SBF2: variants seen among roughly 807,000 people sequenced by gnomAD.
SBF2 encodes SET binding factor 2, also known as myotubularin-related protein 13.
Under a neutral mutation model 225.2 loss-of-function variants are expected in SBF2, and 112 were observed. The ratio of observed to expected loss-of-function variants is 0.50; its 90% CI spans 0.43 to 0.58. SBF2 has a LOEUF of 0.58. Among genes scored for constraint, SBF2 ranks in the 20% least tolerant of loss-of-function variants. SBF2 has a pLI of 0.00. For missense variants in SBF2, 1,996 were observed against 2,206.2 expected (o/e 0.90, Z 1.91); for synonymous variants, 763 against 773.3 (o/e 0.99, Z 0.22).
chr11:9,985,816 C>T (rs1648050435), intron 13 of SBF2, among the ~76,000 whole-genome samples: 1 of 152,032 alleles, frequency 6.6e-6, no homozygotes, highest in African/African-American at 2.4e-5. Flanking sequence ...ATGAGATAGA[C>T]AGCAACACAA....
intron 13 of SBF2, among the ~76,000 whole-genome samples, chr11:9,984,953 C>T (rs764926915): frequency 1.4e-4 from 21 of 152,142 alleles, no homozygotes; most frequent in Non-Finnish European, 2.8e-4. Flanking sequence ...GAAACAAATC[C>T]TGGAAACATA....
intron 5 of SBF2, among the ~76,000 whole-genome samples, chr11:10,029,217 CAA>C (rs1949162196): frequency 6.6e-6 from 1 of 151,984 alleles, no homozygotes; most frequent in African/African-American, 2.4e-5. Context: ...GACCAAGAAA[CAA>C]TAAATAAATC....
intron 16 of SBF2, chr11:9,959,383 T>C (rs1157726435): frequency 2.5e-6 from 2 of 808,514 alleles, no homozygotes; most frequent in Admixed American, 3.4e-5. Flanking sequence ...GGTGCCCGTC[T>C]GTCCCCATGA....
chr11:9,806,729 T>C (rs1254842781), intron 32 of SBF2, among the ~76,000 whole-genome samples: 2 of 152,268 alleles, frequency 1.3e-5, no homozygotes, highest in Admixed American at 6.5e-5. Flanking sequence ...GTAAAAAACA[T>C]AGCTTCCTGT....
intron 17 of SBF2, among the ~76,000 whole-genome samples, chr11:9,864,716 T>C (rs1217429017): frequency 6.6e-6 from 1 of 152,158 alleles, no homozygotes; most frequent in Admixed American, 6.5e-5. Context: ...TTTAGCCTTC[T>C]AATGATTCTG....
At chr11:10,277,325 T>C (rs2135551281) in intron 1 of SBF2, among the ~76,000 whole-genome samples, 1 of 152,310 alleles carries the variant, frequency 6.6e-6, no homozygotes, top group African/African-American at 2.4e-5. Flanking sequence ...CTACAGCTTA[T>C]TTTTCAATGA....
At chr11:10,071,670 A>G (rs1317268112) in intron 2 of SBF2, among the ~76,000 whole-genome samples, 1 of 152,182 alleles carries the variant, frequency 6.6e-6, no homozygotes, top group Non-Finnish European at 1.5e-5. Context: ...GATACATTCC[A>G]TCAATATCTA....
intron 9 of SBF2, among the ~76,000 whole-genome samples, chr11:9,995,930 G>T (rs562549234): frequency 6.6e-6 from 1 of 151,628 alleles, no homozygotes; most frequent in African/African-American, 2.4e-5. Flanking sequence ...AAAGTGTTGG[G>T]ATTACACGCA....
In SBF2 at chr11:10,029,759, A is replaced by AT; in HGVS notation, c.513+5dup. ...CCTTCTCCACCTCTCTTTCTATTCT[A>AT]TTTACCTGAGACCCTCCAGCCGCTG... On this transcript the variant is annotated splice_donor_region_variant and intron_variant, in intron 5 of 39. Coordinates refer to ENST00000256190, the MANE Select transcript of SBF2 (RefSeq NM_030962.4). 2 of 1,574,440 alleles carry AT rather than the reference A, an allele frequency of 1.3e-6. No homozygotes were observed. Among genetic ancestry groups the AT allele is most frequent in the Non-Finnish European group, 1.7e-6 (2 of 1,143,886 alleles).
chr11:9,908,740 C>A (rs1324777266), intron 16 of SBF2, among the ~76,000 whole-genome samples: 1 of 152,060 alleles, frequency 6.6e-6, no homozygotes, highest in African/African-American at 2.4e-5. Context: ...CTCTGTCCCC[C>A]AGGCTGAAGT....
intron 6 of SBF2, among the ~76,000 whole-genome samples, chr11:10,018,745 A>T (rs1021883977): frequency 1.3e-5 from 2 of 152,204 alleles, no homozygotes; most frequent in Non-Finnish European, 2.9e-5. Context: ...CAAGGACTCA[A>T]TTGGTCAATG....
chr11:10,000,407 T>C (rs1050902783), intron 8 of SBF2, among the ~76,000 whole-genome samples: 2 of 152,208 alleles, frequency 1.3e-5, no homozygotes, highest in Admixed American at 1.3e-4. Flanking sequence ...AATGAATTAT[T>C]CCAGAACTGG....
At chr11:10,183,474 T>A (rs1474808307) in intron 2 of SBF2, among the ~76,000 whole-genome samples, 1 of 152,204 alleles carries the variant, frequency 6.6e-6, no homozygotes, top group African/African-American at 2.4e-5. Context: ...GTTTTGACAT[T>A]CTCTCTAAAA....
intron 6 of SBF2, among the ~76,000 whole-genome samples, chr11:10,013,244 G>T (rs1948522764): frequency 6.6e-6 from 1 of 152,032 alleles, no homozygotes. Flanking sequence ...ATCTCCTACT[G>T]GTTTCAATAC....
intron 1 of SBF2, among the ~76,000 whole-genome samples, chr11:10,245,432 AAAAC>A (rs147410155): frequency 0.022 from 3,288 of 152,208 alleles, 88 homozygotes; most frequent in African/African-American, 0.065. Flanking sequence ...TAACAATTTT[AAAAC>A]AAACAAAATG....
At chr11:9,923,333 C>T (rs954124536) in intron 16 of SBF2, among the ~76,000 whole-genome samples, 1 of 151,968 alleles carries the variant, frequency 6.6e-6, no homozygotes, top group Admixed American at 6.6e-5. Flanking sequence ...ACAACAACAA[C>T]AAAACAGACA....
chr11:10,074,069 C>A (rs6483964), intron 2 of SBF2, among the ~76,000 whole-genome samples: 1 of 151,892 alleles, frequency 6.6e-6, no homozygotes, highest in Non-Finnish European at 1.5e-5. Context: ...TCAATTAATA[C>A]AATATTTGTA....
intron 1 of SBF2, among the ~76,000 whole-genome samples, chr11:10,233,432 C>T (rs2135441158): frequency 7.3e-6 from 1 of 136,386 alleles, no homozygotes; most frequent in South Asian, 2.7e-4. Flanking sequence ...CCGGGTGCTC[C>T]TATTATGAAT....
intron 1 of SBF2, among the ~76,000 whole-genome samples, chr11:10,253,209 G>C (rs1031900592): frequency 2.0e-5 from 3 of 151,280 alleles, no homozygotes; most frequent in African/African-American, 7.3e-5. Flanking sequence ...TTAGAGCGTA[G>C]TGTTAAGGAA....
Sources: allele counts gnomAD v4.1 joint callset (sites outside exome capture counted in the v4.1 genomes callset), GRCh38; gene constraint gnomAD v4.1.1; transcripts MANE v1.5; gene names NCBI Gene and HGNC (gene_info 2026-07-23, HGNC 2026-07-21).